Variants in GRIA1 observed in about 807,000 individuals in gnomAD.
The protein encoded by GRIA1 is glutamate ionotropic receptor AMPA type subunit 1.
Under a neutral mutation model 99.2 loss-of-function variants are expected in GRIA1, and 31 were observed. The observed-to-expected ratio is 0.31, with a 90% CI of 0.23 to 0.42. The LOEUF (loss-of-function observed/expected upper bound fraction) is 0.42, where lower values mean the gene tolerates loss of function less well. GRIA1 is among the 10% of genes least tolerant of loss of function. The pLI is 1.00. For missense variants in GRIA1, 782 were observed against 1,157.5 expected, an observed-to-expected ratio of 0.68 and a Z score of 4.71; for synonymous variants, 438 against 432.4, an observed-to-expected ratio of 1.01 and a Z score of -0.16.
chr5:153,787,489 A>G (rs1390638277), intron 13 of GRIA1, among the ~76,000 whole-genome samples: 1 of 151,848 alleles, frequency 6.6e-6, no homozygotes, highest in Non-Finnish European at 1.5e-5. Context: ...TGGAATTTTC[A>G]GATGACTCTA....
intron 2 of GRIA1, among the ~76,000 whole-genome samples, chr5:153,594,530 G>A (rs1245863523): frequency 6.6e-6 from 1 of 151,806 alleles, no homozygotes; most frequent in Admixed American, 6.5e-5. Flanking sequence ...TAGAATGAGT[G>A]TATGTTTTTT....
intron 6 of GRIA1, among the ~76,000 whole-genome samples, chr5:153,676,270 A>G (rs1317235397): frequency 6.6e-6 from 1 of 152,228 alleles, no homozygotes; most frequent in Non-Finnish European, 1.5e-5. Context: ...GCTAGGCAAC[A>G]TAATAAGTAT....
rs529819228 is a variant in GRIA1 at position 153,743,889 on chromosome 5, A to C, written c.1824-20545A>C. Among the ~76,000 whole-genome samples, 17 of 152,296 alleles carry C rather than the reference A, an allele frequency of 1.1e-4. No homozygotes were observed. In the South Asian group the frequency reaches 3.3e-3, roughly 30 times the overall value. ...TATGCATAACGGGGTGGATAATCTC[A>C]TGCTCATTGGACATATGTGGAGCAC... On this transcript the variant is annotated intron_variant, in intron 11 of 15. Transcript: ENST00000285900.
intron 2 of GRIA1, among the ~76,000 whole-genome samples, chr5:153,614,829 G>A (rs999513489): frequency 6.6e-6 from 1 of 152,166 alleles, no homozygotes; most frequent in Non-Finnish European, 1.5e-5. Context: ...TGAGAGGGAC[G>A]CTGTGATATA....
chr5:153,810,150 T>A (rs1766718597), intron 15 of GRIA1, among the ~76,000 whole-genome samples: 1 of 152,200 alleles, frequency 6.6e-6, no homozygotes, highest in Non-Finnish European at 1.5e-5. Flanking sequence ...ACTCATCTGA[T>A]TCTGGGGTGA....
intron 12 of GRIA1, 67 bp from the exon 13 acceptor site, chr5:153,770,101 C>T: frequency 6.5e-7 from 1 of 1,530,210 alleles, no homozygotes; most frequent in Non-Finnish European, 9.0e-7. Flanking sequence ...CTCAGCTCTT[C>T]ATTAATGTGT....
At chr5:153,644,194 T>C (rs898624842) in intron 2 of GRIA1, among the ~76,000 whole-genome samples, 3 of 152,242 alleles carry the variant, frequency 2.0e-5, no homozygotes, top group Non-Finnish European at 4.4e-5. Flanking sequence ...GAATAATATG[T>C]GATGTATGCT....
At chr5:153,735,321 G>A (rs1204180563) in intron 11 of GRIA1, among the ~76,000 whole-genome samples, 1 of 152,172 alleles carries the variant, frequency 6.6e-6, no homozygotes, top group Non-Finnish European at 1.5e-5. Context: ...AGCTCCCCAA[G>A]TGAGCAATTC....
At chr5:153,746,577 G>A (rs551745856) in intron 11 of GRIA1, among the ~76,000 whole-genome samples, 21 of 152,284 alleles carry the variant, frequency 1.4e-4, no homozygotes, top group Non-Finnish European at 2.5e-4. Context: ...CCCACACCTG[G>A]CCCACTGAGG....
intron 11 of GRIA1, among the ~76,000 whole-genome samples, chr5:153,716,068 C>T (rs1258658397): frequency 2.0e-5 from 3 of 152,224 alleles, no homozygotes; most frequent in Non-Finnish European, 2.9e-5. Context: ...CCCCACTATT[C>T]AGGAAAGCTC....
At chr5:153,756,831 A>G (rs1026078160) in intron 11 of GRIA1, among the ~76,000 whole-genome samples, 1 of 152,204 alleles carries the variant, frequency 6.6e-6, no homozygotes, top group Non-Finnish European at 1.5e-5. Context: ...GGACAGGCCA[A>G]CTGAAGGATG....
intron 15 of GRIA1, among the ~76,000 whole-genome samples, chr5:153,803,439 G>A (rs1031720199): frequency 6.6e-6 from 1 of 152,166 alleles, no homozygotes; most frequent in African/African-American, 2.4e-5. Context: ...GAGGAGGGAG[G>A]TGCATTCTAT....
At chr5:153,723,420 C>T (rs933518583) in intron 11 of GRIA1, among the ~76,000 whole-genome samples, 58 of 151,898 alleles carry the variant, frequency 3.8e-4, no homozygotes, top group Admixed American at 2.2e-3. Context: ...GCACCATGCA[C>T]GAGCTGAAGC....
chr5:153,661,665 T>C (rs1561741253), intron 5 of GRIA1, among the ~76,000 whole-genome samples: 1 of 151,740 alleles, frequency 6.6e-6, no homozygotes, highest in Non-Finnish European at 1.5e-5. Context: ...AAAAAGTCAA[T>C]GAATGAATGA....
chr5:153,788,274 G>A (rs1446268052), intron 13 of GRIA1, among the ~76,000 whole-genome samples: 2 of 151,986 alleles, frequency 1.3e-5, no homozygotes, highest in Admixed American at 6.6e-5. Flanking sequence ...TATCCTGAAC[G>A]TACAGCCTCT....
chr5:153,506,942 GC>G (rs998347873), intron 2 of GRIA1, among the ~76,000 whole-genome samples: 2 of 151,992 alleles, frequency 1.3e-5, no homozygotes, highest in Non-Finnish European at 2.9e-5. Context: ...GGCCAACATG[GC>G]AAAACCCTGC....
At chr5:153,744,325 C>T (rs1762009458) in intron 11 of GRIA1, among the ~76,000 whole-genome samples, 1 of 152,136 alleles carries the variant, frequency 6.6e-6, no homozygotes, top group African/African-American at 2.4e-5. Flanking sequence ...TAACTTTGTG[C>T]AATAATTTGC....
chr5:153,701,003 T>TA (rs1356595608), intron 10 of GRIA1, among the ~76,000 whole-genome samples: 1 of 152,182 alleles, frequency 6.6e-6, no homozygotes, highest in Non-Finnish European at 1.5e-5. Flanking sequence ...GAGACCTGGA[T>TA]AGTACATGCT....
intron 11 of GRIA1, among the ~76,000 whole-genome samples, chr5:153,743,903 T>G (rs1761979755): frequency 6.6e-6 from 1 of 152,148 alleles, no homozygotes; most frequent in South Asian, 2.1e-4. Flanking sequence ...TCATTGGACA[T>G]ATGTGGAGCA....
Sources: gnomAD v4.1 joint callset for allele counts (sites outside exome capture counted in the v4.1 genomes callset) on GRCh38, gnomAD v4.1.1 for gene constraint, MANE v1.5 for transcripts, NCBI Gene and HGNC (gene_info 2026-07-23, HGNC 2026-07-21) for gene names.